ATRNL1: variants seen among roughly 807,000 people sequenced by gnomAD.
ATRNL1 encodes the protein attractin-like protein 1.
Under a neutral mutation model 182.7 loss-of-function variants are expected in ATRNL1, and 95 were observed. That is an observed-to-expected ratio of 0.52 (90% CI 0.44 to 0.62). The LOEUF is 0.62. ATRNL1 is among the 20% of genes least tolerant of loss of function. The pLI is 0.00. For synonymous variants in ATRNL1, 576 were observed against 568.3 expected, an observed-to-expected ratio of 1.01 and a Z score of -0.19; for missense variants, 1,471 against 1,679.5, an observed-to-expected ratio of 0.88 and a Z score of 2.17.
intron 27 of ATRNL1, among the ~76,000 whole-genome samples, chr10:115,801,616 A>C (rs1361547297): frequency 7.2e-6 from 1 of 139,328 alleles, no homozygotes; most frequent in African/African-American, 2.7e-5. Context: ...ATTGGTTGCA[A>C]ACCAAAATGA....
At chr10:115,538,583 A>G (rs555069891) in intron 25 of ATRNL1, among the ~76,000 whole-genome samples, 1 of 152,152 alleles carries the variant, frequency 6.6e-6, no homozygotes, top group South Asian at 2.1e-4. Context: ...TGTTTTTTGT[A>G]TATTCTGGAT....
At chr10:115,465,257 A>T (rs1160670737) in intron 22 of ATRNL1, among the ~76,000 whole-genome samples, 1 of 151,672 alleles carries the variant, frequency 6.6e-6, no homozygotes, top group Non-Finnish European at 1.5e-5. Flanking sequence ...CTTTATTATG[A>T]TGACATAAAT....
intron 12 of ATRNL1, among the ~76,000 whole-genome samples, chr10:115,267,948 G>A (rs1851677071): frequency 6.6e-6 from 1 of 151,984 alleles, no homozygotes; most frequent in African/African-American, 2.4e-5. Flanking sequence ...TTTTAGTAGA[G>A]ATGGGTTTTG....
intron 28 of ATRNL1, among the ~76,000 whole-genome samples, chr10:115,848,827 G>A (rs1950989046): frequency 6.6e-6 from 1 of 152,044 alleles, no homozygotes. Context: ...CTTTTTGAGG[G>A]CAAGGGTGAT....
chr10:115,359,233 CAT>C (rs1856632543), intron 19 of ATRNL1, among the ~76,000 whole-genome samples: 1 of 151,560 alleles, frequency 6.6e-6, no homozygotes, highest in Non-Finnish European at 1.5e-5. Flanking sequence ...ATTTTTGTCT[CAT>C]ATGTTTTGTA....
intron 26 of ATRNL1, among the ~76,000 whole-genome samples, chr10:115,601,167 T>C (rs1403036420): frequency 6.6e-6 from 1 of 152,174 alleles, no homozygotes; most frequent in Non-Finnish European, 1.5e-5. Context: ...AATTTCCAAA[T>C]ATTTGACATT....
intron 9 of ATRNL1, 77 bp downstream of exon 9, chr10:115,215,957 T>C: frequency 3.6e-6 from 4 of 1,119,960 alleles, no homozygotes; most frequent in Non-Finnish European, 4.9e-6. Context: ...GTTTCTGACA[T>C]AGAAATACTT....
chr10:115,211,538 A>G (rs562257268), intron 8 of ATRNL1, among the ~76,000 whole-genome samples: 27 of 151,716 alleles, frequency 1.8e-4, no homozygotes, highest in Non-Finnish European at 3.8e-4. Flanking sequence ...GGTTTAACCT[A>G]TTTAAGATTT....
chr10:115,537,398 A>C (rs1156590888), intron 25 of ATRNL1, among the ~76,000 whole-genome samples: 1 of 152,170 alleles, frequency 6.6e-6, no homozygotes, highest in African/African-American at 2.4e-5. Flanking sequence ...AGTTTTCTGT[A>C]GCTCAGTTAT....
chr10:115,093,938 G>T lies in ATRNL1; in HGVS notation c.188G>T (p.Cys63Phe). The T allele has an allele frequency of 6.3e-7, 1 of 1,595,918 alleles. No individual in the cohort carries two copies. The highest frequency in any genetic ancestry group is 8.5e-7 in the Non-Finnish European group (1 of 1,172,674). Residue 63 changes from cysteine (C) to phenylalanine (F), a missense_variant, in exon 1 of 29, where the codon TGC becomes TTC. By Grantham distance (205) the Cys-to-Phe change is radical (BLOSUM62 -2). This residue lies in a region of ATRNL1 where 1,031 missense variants were observed against 1,156.0 expected (regional missense o/e 0.89). Coordinates refer to ENST00000355044, the MANE Select transcript of ATRNL1 (RefSeq NM_207303.4). This position sits in a 1 kb window ranked among gnomAD's most constrained non-coding sequence, Gnocchi z 6.1. Reference protein sequence around the residue: ...LYAQVSQSKPCERTGSCFSGR... With the variant: ...LYAQVSQSKPFERTGSCFSGR... ...GCGCAGGTGTCCCAGTCCAAGCCGT[G>T]CGAGAGGACCGGCTCCTGCTTCTCG...
chr10:115,591,375 G>A (rs1855893241), intron 26 of ATRNL1, among the ~76,000 whole-genome samples: 1 of 152,026 alleles, frequency 6.6e-6, no homozygotes, highest in South Asian at 2.1e-4. Flanking sequence ...GGCACATGTG[G>A]CCCTTCTGCC....
chr10:115,737,100 T>C (rs1470548323), intron 27 of ATRNL1, among the ~76,000 whole-genome samples: 2 of 152,024 alleles, frequency 1.3e-5, no homozygotes, highest in Non-Finnish European at 2.9e-5. Flanking sequence ...AGCATTCCCT[T>C]ACTGGCTGCA....
At chr10:115,815,410 T>G (rs1182423424) in intron 27 of ATRNL1, among the ~76,000 whole-genome samples, 1 of 123,130 alleles carries the variant, frequency 8.1e-6, no homozygotes, top group Non-Finnish European at 1.7e-5. Context: ...ATGTGGTGTG[T>G]GTGTATGTGT....
At chr10:115,455,854 T>A (rs1847498896) in intron 21 of ATRNL1, among the ~76,000 whole-genome samples, 1 of 152,060 alleles carries the variant, frequency 6.6e-6, no homozygotes, top group Non-Finnish European at 1.5e-5. Context: ...TCACAGAAGA[T>A]GTTTCTGTGG....
chr10:115,580,715 T>C (rs1855018006), intron 26 of ATRNL1, among the ~76,000 whole-genome samples: 1 of 151,892 alleles, frequency 6.6e-6, no homozygotes, highest in Non-Finnish European at 1.5e-5. Context: ...CTCATCCTCC[T>C]ATAATGTATG....
At chr10:115,301,669 T>C (rs1853475907) in intron 16 of ATRNL1, among the ~76,000 whole-genome samples, 186 bp from the exon 17 acceptor site, 1 of 152,242 alleles carries the variant, frequency 6.6e-6, no homozygotes. Flanking sequence ...GTTATACATT[T>C]TCAAATTTAA....
chr10:115,358,166 A>T (rs1856584958), intron 19 of ATRNL1, among the ~76,000 whole-genome samples: 2 of 151,670 alleles, frequency 1.3e-5, no homozygotes, highest in Admixed American at 6.6e-5. Flanking sequence ...GAATTAATGC[A>T]TGAATGCTCT....
intron 19 of ATRNL1, among the ~76,000 whole-genome samples, chr10:115,385,064 G>T (rs186868148): frequency 3.3e-5 from 5 of 151,996 alleles, no homozygotes; most frequent in Admixed American, 1.3e-4. Flanking sequence ...CTTTAGAGTG[G>T]AATTGCTTTT....
intron 27 of ATRNL1, among the ~76,000 whole-genome samples, chr10:115,799,027 A>C (rs1248104830): frequency 6.6e-6 from 1 of 151,806 alleles, no homozygotes; most frequent in Non-Finnish European, 1.5e-5. Context: ...GGATTTCACT[A>C]TGTTGGCCGG....
Sources: gnomAD v4.1 joint callset for allele counts (sites outside exome capture counted in the v4.1 genomes callset) on GRCh38, gnomAD v4.1.1 for gene constraint, gnomAD v4.1.1 regional missense constraint, Gnocchi (gnomAD v3.1) non-coding constraint, MANE v1.5 for transcripts, NCBI Gene and HGNC (gene_info 2026-07-23, HGNC 2026-07-21) for gene names.